The following KLK8 variants were observed in gnomAD, a reference collection of about 807,000 sequenced individuals.
KLK8 encodes kallikrein related peptidase 8.
A neutral mutation model predicts 26.7 loss-of-function variants in KLK8; 18 were observed. The ratio of observed to expected loss-of-function variants is 0.67; its 90% CI spans 0.47 to 1.00. The LOEUF is 1.00. Ranked by LOEUF, KLK8 falls within the 50% of genes least tolerant of loss-of-function variation. The pLI is 0.00. For missense variants in KLK8, 301 were observed against 331.7 expected, an observed-to-expected ratio of 0.91 and a Z score of 0.72; for synonymous variants, 137 against 127.1, an observed-to-expected ratio of 1.08 and a Z score of -0.52.
chr19:50,998,059 G>T, intron 5 of KLK8, 175 bp from the exon 5 acceptor site: 1 of 710,556 alleles, frequency 1.4e-6, no homozygotes, highest in Non-Finnish European at 2.3e-6. Flanking sequence ...AAACGAAGCT[G>T]TACTTGTTGC....
chr19:51,000,044 C>T lies in KLK8; in HGVS notation c.445G>A (p.Gly149Ser), dbSNP rs375626148. The stretch of plus-strand genomic sequence containing the variant: ...CAGCCTGAGACGGTGCACTTCTGGC[C>T]AGGCTGGGTGCAATGATCTGCCAGG... The change falls in exon 5 of 7, where the codon GGC becomes AGC. Residue 149 changes from glycine (G) to serine (S), a missense_variant. Coordinates refer to ENST00000600767, the Ensembl canonical transcript of KLK8. 29 of 1,613,038 alleles carry T rather than the reference C, an allele frequency of 1.8e-5. No individual in the cohort carries two copies. The highest frequency in any genetic ancestry group is 2.4e-5 in the Non-Finnish European group (28 of 1,179,164).
intron 6 of KLK8, among the ~76,000 whole-genome samples, chr19:50,997,391 C>G (rs1055989731): frequency 1.3e-5 from 2 of 152,128 alleles, no homozygotes; most frequent in South Asian, 4.1e-4. Flanking sequence ...ACAAATTCCA[C>G]GATGTAATGC....
At chr19:50,996,351 G>A in intron 6 of KLK8, 137 bp from the exon 6 acceptor site, 1 of 832,044 alleles carries the variant, frequency 1.2e-6, no homozygotes, top group South Asian at 1.7e-5. Context: ...TGTCCCCTGA[G>A]ACCAGTCAGG....
chr19:51,001,144 C>CGCA (rs1382095296), exon 3 of KLK8: 1 of 1,613,320 alleles, frequency 6.2e-7, no homozygotes, highest in Non-Finnish European at 8.5e-7. Flanking sequence ...ACGTCTTGGC[C>CGCA]GCACGAGGTC....
chr19:51,001,198 C>G, intron 2 of KLK8, 23 bp from the exon 2 acceptor site: 1 of 1,601,722 alleles, frequency 6.2e-7, no homozygotes, highest in Non-Finnish European at 8.5e-7. Flanking sequence ...GAGGGCGGGG[C>G]CGGTAAACAG....
chr19:50,997,706 G>A (rs1333621733), intron 6 of KLK8, 45 bp downstream of exon 5: 2 of 1,610,308 alleles, frequency 1.2e-6, no homozygotes, highest in Admixed American at 3.3e-5. Flanking sequence ...ACCTCGAGAG[G>A]GCAATGAGGG....
chr19:50,997,626 G>A, intron 6 of KLK8, 125 bp downstream of exon 5: 1 of 1,127,522 alleles, frequency 8.9e-7, no homozygotes. Context: ...GTAGAGATAG[G>A]GGTGAACACT....
intron 6 of KLK8, among the ~76,000 whole-genome samples, 153 bp from the exon 6 acceptor site, chr19:50,996,367 G>GCTTGGGGCTT (rs1176840105): frequency 6.6e-6 from 1 of 152,210 alleles, no homozygotes; most frequent in Non-Finnish European, 1.5e-5. Context: ...TCAGGACAGG[G>GCTTGGGGCTT]CTTGGGGCTT....
intron 5 of KLK8, chr19:50,999,157 C>A (rs961385330): frequency 6.6e-6 from 1 of 152,188 alleles, no homozygotes; most frequent in Non-Finnish European, 1.5e-5. Context: ...GGGACAGCTT[C>A]ATTGGAGGTC....
intron 2 of KLK8, 104 bp from the exon 2 acceptor site, chr19:51,001,279 T>C: frequency 1.1e-6 from 1 of 897,144 alleles, no homozygotes; most frequent in Middle Eastern, 2.2e-4. Flanking sequence ...CTGGGGCTGT[T>C]CTGGGCTTCT....
rs2091225967 is a variant in KLK8, at chr19:51,001,428, C to T, written c.-9+104G>A. 6.0e-6 allele frequency: 3 copies of T among 499,388 alleles called. No homozygotes were observed. The Admixed American group carries it at 9.8e-5, about 16-fold the overall frequency. 30.9% of individuals were successfully genotyped at this position (499,388 alleles called of 1,614,324 possible). A position where few individuals can be genotyped will look rare whatever the true frequency, so the allele number is the denominator to read the frequency against. ...GGAGAGGAGGAAGCCGGGGTCCAGA[C>T]TGCTGGATCTCGACAGAGAAGGGCA... is the stretch of plus-strand genomic sequence containing the variant. On this transcript the variant is annotated intron_variant, in intron 2 of 6. Coordinates refer to ENST00000600767, the Ensembl canonical transcript of KLK8.
exon 7 of KLK8, chr19:50,996,153 G>A (rs762623980): frequency 1.9e-6 from 3 of 1,614,210 alleles, no homozygotes; most frequent in South Asian, 2.2e-5. Context: ...ACAGGGGTCT[G>A]AGCCCCAGGA....
rs2091219684 is a variant in KLK8, at chr19:51,001,036, T to C, written c.70+62A>G. 5 of 1,464,194 alleles carry C rather than the reference T, an allele frequency of 3.4e-6. No homozygotes were observed. In the African/African-American group the frequency reaches 6.9e-5, roughly 20 times the overall value. The allele number at this position is 1,464,194 out of a possible 1,614,324, so 90.7% of individuals were successfully genotyped here. ...TAACCCCCGCGGCATTCCCACAGAC[T>C]CCCCAGCGCCACTGCTGCCTTCAGA... On this transcript the variant is annotated intron_variant, in intron 3 of 6. Transcript: ENST00000600767.
At chr19:50,998,072 T>C in intron 5 of KLK8, 188 bp from the exon 5 acceptor site, 1 of 645,034 alleles carries the variant, frequency 1.6e-6, no homozygotes, top group Non-Finnish European at 2.6e-6. Flanking sequence ...CTTGTTGCTA[T>C]TGGGCTTTCT....
At position 50,996,267 on chromosome 19, in the gene KLK8, T is replaced by C; in HGVS notation, c.628-53A>G. ...GCATCTGAGATGTCCACAACGTCCC[T>C]TTTCCTGCTGTCCCAGCGTTTTACC... On this transcript the variant is annotated intron_variant, in intron 6 of 6. Coordinates refer to ENST00000600767, the Ensembl canonical transcript of KLK8. 24 of 1,580,864 alleles carry C rather than the reference T, an allele frequency of 1.5e-5. No homozygotes were observed. The South Asian group carries it at 2.7e-4, about 18-fold the overall frequency.
At chr19:50,997,993 C>A in intron 5 of KLK8, 109 bp from the exon 5 acceptor site, 1 of 1,389,782 alleles carries the variant, frequency 7.2e-7, no homozygotes, top group South Asian at 1.3e-5. Flanking sequence ...AGTTTTCCAG[C>A]TGCATGGGGG....
exon 6 of KLK8, chr19:50,997,771 T>C: frequency 6.2e-7 from 1 of 1,614,142 alleles, no homozygotes. Flanking sequence ...TCAGCCCCTT[T>C]GCTGCTGCCT....
At chr19:51,000,137 T>G (rs1300219953) in exon 5 of KLK8, 2 of 1,613,844 alleles carry the variant, frequency 1.2e-6, no homozygotes, top group Non-Finnish European at 1.7e-6. Context: ...AGATCATGGT[T>G]GTGGTCCTCC....
chr19:51,000,251 T>C, exon 5 of KLK8: 3 of 1,582,378 alleles, frequency 1.9e-6, no homozygotes, highest in South Asian at 2.3e-5. Context: ...AGGCGTACTG[T>C]GTATTTCCTG....
Sources: gnomAD v4.1 joint callset for allele counts (sites outside exome capture counted in the v4.1 genomes callset) on GRCh38, gnomAD v4.1.1 for gene constraint, MANE v1.5 for transcripts, NCBI Gene and HGNC (gene_info 2026-07-23, HGNC 2026-07-21) for gene names.